Variants in GPATCH2 observed in about 807,000 individuals in gnomAD.
GPATCH2 encodes the protein G patch domain-containing protein 2.
In GPATCH2, 51 loss-of-function variants were observed where a neutral mutation model predicts 58.0. That is an observed-to-expected ratio of 0.88 (90% CI 0.70 to 1.11). The LOEUF is 1.11. Ranked by LOEUF, GPATCH2 falls within the 50% of genes most tolerant of loss-of-function variation. The pLI, the probability that GPATCH2 is intolerant of heterozygous loss-of-function variation, is 0.00. For synonymous variants in GPATCH2, 222 were observed against 218.5 expected (o/e 1.02, Z -0.14); for missense variants, 625 against 652.2 (o/e 0.96, Z 0.45).
chr1:217,477,927 T>C (rs151162508), intron 8 of GPATCH2, among the ~76,000 whole-genome samples: 219 of 152,244 alleles, frequency 1.4e-3, no homozygotes, highest in African/African-American at 5.2e-3. Flanking sequence ...TGTCACTCTA[T>C]TGCTAGCTTC....
intron 1 of GPATCH2, among the ~76,000 whole-genome samples, chr1:217,621,011 G>A (rs149010831): frequency 6.1e-4 from 93 of 152,262 alleles, no homozygotes; most frequent in African/African-American, 1.9e-3. Context: ...AGTAATATAC[G>A]TGAAAGTTTA....
At chr1:217,499,696 A>G (rs1258538987) in intron 6 of GPATCH2, among the ~76,000 whole-genome samples, 1 of 151,346 alleles carries the variant, frequency 6.6e-6, no homozygotes, top group Non-Finnish European at 1.5e-5. Flanking sequence ...TTCCTCTGAC[A>G]GCTTGACTAA....
chr1:217,580,475 A>T lies in GPATCH2; in HGVS notation c.1098+29846T>A, dbSNP rs1280314092. On this transcript the variant is annotated intron_variant, in intron 5 of 9. Transcript: ENST00000366935. ...AATCTGTATCAAACAAGAAGTGCTT[A>T]TATTTACTAAAGTATATATGATTAT... is the stretch of plus-strand genomic sequence containing the variant. 3.3e-5 allele frequency among the ~76,000 whole-genome samples: 5 copies of T among 152,240 alleles called. No individual in the cohort carries two copies. In the East Asian group the frequency reaches 5.8e-4, roughly 18 times the overall value.
chr1:217,583,068 C>T (rs1025563876), intron 5 of GPATCH2, among the ~76,000 whole-genome samples: 1 of 152,142 alleles, frequency 6.6e-6, no homozygotes, highest in African/African-American at 2.4e-5. Context: ...TAAATAATTA[C>T]TGCATGTATT....
chr1:217,594,114 T>C (rs1484581327), intron 5 of GPATCH2, among the ~76,000 whole-genome samples: 2 of 152,122 alleles, frequency 1.3e-5, no homozygotes, highest in African/African-American at 2.4e-5. Context: ...AAGTGCTCCA[T>C]AAATGTAAAA....
At chr1:217,556,746 G>A (rs77821015) in intron 5 of GPATCH2, among the ~76,000 whole-genome samples, 9 of 152,230 alleles carry the variant, frequency 5.9e-5, no homozygotes, top group Admixed American at 2.0e-4. Flanking sequence ...TCACAAATTC[G>A]TGAGATATGC....
At chr1:217,591,521 T>G (rs2102768416) in intron 5 of GPATCH2, among the ~76,000 whole-genome samples, 1 of 152,202 alleles carries the variant, frequency 6.6e-6, no homozygotes, top group Non-Finnish European at 1.5e-5. Context: ...CTGGCTAATA[T>G]CTTATTATGT....
At chr1:217,499,733 CTTT>C (rs531197050) in intron 6 of GPATCH2, among the ~76,000 whole-genome samples, 1 of 141,154 alleles carries the variant, frequency 7.1e-6, no homozygotes. Flanking sequence ...TGGATTGTGC[CTTT>C]TTTTTTTTTT....
chr1:217,437,546 G>A (rs1658898504), intron 9 of GPATCH2, among the ~76,000 whole-genome samples: 1 of 152,206 alleles, frequency 6.6e-6, no homozygotes, highest in Admixed American at 6.5e-5. Flanking sequence ...AATTTGGTGG[G>A]GGAAGGGGCG....
chr1:217,576,269 T>C (rs1165682507), intron 5 of GPATCH2, among the ~76,000 whole-genome samples: 23 of 152,166 alleles, frequency 1.5e-4, no homozygotes, highest in Admixed American at 8.5e-4. Flanking sequence ...TGACACACTA[T>C]CTGGTAGTAA....
At chr1:217,448,089 ACT>A (rs1404995108) in intron 9 of GPATCH2, among the ~76,000 whole-genome samples, 1 of 146,688 alleles carries the variant, frequency 6.8e-6, no homozygotes, top group Non-Finnish European at 1.5e-5. Flanking sequence ...CAAGGGTGAA[ACT>A]CTGTCTCAGA....
chr1:217,435,199 T>C (rs1448819879), intron 9 of GPATCH2, among the ~76,000 whole-genome samples: 3 of 152,192 alleles, frequency 2.0e-5, no homozygotes, highest in Non-Finnish European at 4.4e-5. Context: ...CTTTAAGACC[T>C]TTCCTAGAAG....
At chr1:217,590,415 A>C (rs1667537135) in intron 5 of GPATCH2, among the ~76,000 whole-genome samples, 1 of 151,936 alleles carries the variant, frequency 6.6e-6, no homozygotes, top group Admixed American at 6.6e-5. Context: ...ACTAAACTTC[A>C]CTTACTCATT....
intron 5 of GPATCH2, chr1:217,609,939 C>T (rs1571649036): frequency 8.0e-7 from 1 of 1,246,466 alleles, no homozygotes; most frequent in Non-Finnish European, 1.0e-6. Flanking sequence ...TCTATCCACC[C>T]TGGGCCAACC....
intron 5 of GPATCH2, among the ~76,000 whole-genome samples, chr1:217,557,822 T>C (rs1053582035): frequency 1.3e-5 from 2 of 152,326 alleles, no homozygotes; most frequent in Admixed American, 1.3e-4. Flanking sequence ...CATTAATGTA[T>C]CTTTCATAAG....
At chr1:217,569,648 C>T (rs1196573286) in intron 5 of GPATCH2, among the ~76,000 whole-genome samples, 1 of 152,114 alleles carries the variant, frequency 6.6e-6, no homozygotes, top group African/African-American at 2.4e-5. Context: ...TGAGCGAAGA[C>T]TGCACCATTG....
At position 217,631,026 on chromosome 1, in the gene GPATCH2, T is replaced by G; in HGVS notation, c.-55A>C. ...CTCAGGCCCGTGAACAGACTCCAAC[T>G]ACAACAGCACCGGCGACTTCCAAAG... On this transcript the variant is annotated 5_prime_UTR_variant, in exon 1 of 10. Coordinates refer to ENST00000366935, the MANE Select transcript of GPATCH2 (RefSeq NM_018040.5). 1 of 1,487,996 alleles carries G rather than the reference T, an allele frequency of 6.7e-7. No individual in the cohort carries two copies. Among genetic ancestry groups the G allele is most frequent in the South Asian group, 1.2e-5 (1 of 84,362 alleles). 92.2% of individuals were successfully genotyped at this position (1,487,996 alleles called of 1,614,324 possible).
intron 8 of GPATCH2, among the ~76,000 whole-genome samples, chr1:217,489,501 TTTTATTTTCTTTTA>T (rs1157345367): frequency 2.6e-5 from 4 of 152,214 alleles, no homozygotes; most frequent in African/African-American, 9.7e-5. Flanking sequence ...CTGTCCATTA[TTTTATTTTCTTTTA>T]TTTATTTTCT....
At chr1:217,567,762 C>A (rs572445710) in intron 5 of GPATCH2, among the ~76,000 whole-genome samples, 2 of 152,242 alleles carry the variant, frequency 1.3e-5, no homozygotes, top group South Asian at 2.1e-4. Context: ...TAATTTTATA[C>A]CTGTGCATGC....
Sources: gnomAD v4.1 joint callset for allele counts (sites outside exome capture counted in the v4.1 genomes callset) on GRCh38, gnomAD v4.1.1 for gene constraint, MANE v1.5 for transcripts, NCBI Gene and HGNC (gene_info 2026-07-23, HGNC 2026-07-21) for gene names.